Variants in URB1 observed in about 807,000 individuals in gnomAD.
The protein encoded by URB1 is URB1 ribosome biogenesis factor, also known as nucleolar pre-ribosomal-associated protein 1.
In URB1, 197 loss-of-function variants were observed where a neutral mutation model predicts 242.3. That is an observed-to-expected ratio of 0.81 (90% CI 0.72 to 0.91). URB1 has a LOEUF of 0.91. Ranked by LOEUF, URB1 falls within the 40% of genes least tolerant of loss-of-function variation. The pLI is 0.00. For missense variants in URB1, 2,721 were observed against 2,860.5 expected (o/e 0.95, Z 1.11); for synonymous variants, 1,153 against 1,201.8 (o/e 0.96, Z 0.84).
chr21:32,391,823 G>C (rs1488709435), intron 1 of URB1, among the ~76,000 whole-genome samples: 1 of 148,956 alleles, frequency 6.7e-6, no homozygotes, highest in Admixed American at 6.8e-5. Flanking sequence ...GGGCAGCCTG[G>C]ACAACATAGT....
chr21:32,390,388 T>C (rs2033624803), intron 1 of URB1, among the ~76,000 whole-genome samples: 1 of 152,186 alleles, frequency 6.6e-6, no homozygotes, highest in Admixed American at 6.5e-5. Flanking sequence ...ATGATGAGCA[T>C]TTTTTCATGT....
intron 4 of URB1, among the ~76,000 whole-genome samples, chr21:32,381,049 G>C (rs550845978): frequency 6.6e-6 from 1 of 152,292 alleles, no homozygotes; most frequent in South Asian, 2.1e-4. Flanking sequence ...GAGGAACTGG[G>C]TAAGATCCCC....
chr21:32,331,147 C>T (rs922391751), intron 30 of URB1, among the ~76,000 whole-genome samples: 15 of 152,162 alleles, frequency 9.9e-5, no homozygotes, highest in Non-Finnish European at 1.9e-4. Context: ...AGGGATCACG[C>T]GAACCAGCAC....
intron 36 of URB1, 109 bp downstream of exon 36, chr21:32,319,108 C>T: frequency 2.7e-6 from 3 of 1,131,694 alleles, no homozygotes; most frequent in Non-Finnish European, 3.7e-6. Context: ...GATCACGGCC[C>T]AGCGTCCCCC....
intron 6 of URB1, among the ~76,000 whole-genome samples, chr21:32,374,491 C>G (rs2033438418): frequency 6.6e-6 from 1 of 152,330 alleles, no homozygotes; most frequent in South Asian, 2.1e-4. Flanking sequence ...GAACTGTTAT[C>G]TTCCATAGGG....
chr21:32,392,919 G>C lies in URB1; in HGVS notation c.-9C>G, dbSNP rs1262234231. 1.3e-6 allele frequency: 2 copies of C among 1,504,376 alleles called. No homozygotes were observed. The highest frequency in any genetic ancestry group is 1.8e-6 in the Non-Finnish European group (2 of 1,129,142). The allele number at this position is 1,504,376 out of a possible 1,614,324, so 93.2% of individuals were successfully genotyped here. ...CTCTTGGGGACCCCCATGGCCGAGAGGGCGGAAGCGCGACGGAAACGACAC... is the reference window on the plus strand; with the variant it reads ...CTCTTGGGGACCCCCATGGCCGAGACGGCGGAAGCGCGACGGAAACGACAC... On this transcript the variant is annotated 5_prime_UTR_variant, in exon 1 of 39. Transcript: ENST00000382751.
intron 6 of URB1, among the ~76,000 whole-genome samples, chr21:32,374,269 T>C (rs923378310): frequency 1.3e-5 from 2 of 152,226 alleles, no homozygotes; most frequent in African/African-American, 2.4e-5. Context: ...TCATTGCATC[T>C]GACTTTGGAC....
chr21:32,350,743 C>T lies in URB1; in HGVS notation c.2793G>A (p.Val931=), dbSNP rs1308771588. 6.4e-7 allele frequency: 1 copy of T among 1,551,418 alleles called. No homozygotes were observed. Among genetic ancestry groups the T allele is most frequent in the African/African-American group, 1.4e-5 (1 of 73,066 alleles). Reference sequence around the variant, plus strand: ...CCACAGTGCTCCGCAGGTAGAGCAACACCTGCTTGGCCGCGAGCAGGACCT... The same window carrying T: ...CCACAGTGCTCCGCAGGTAGAGCAATACCTGCTTGGCCGCGAGCAGGACCT... ...MQQVLLAAKQ[V]LLYLRSTVEN... The change falls in exon 20 of 39, where the codon GTG becomes GTA. Residue 931 remains valine (V), a synonymous_variant. Transcript: ENST00000382751.
chr21:32,388,632 CAGG>C (rs2033608123), intron 1 of URB1, among the ~76,000 whole-genome samples: 1 of 152,208 alleles, frequency 6.6e-6, no homozygotes, highest in Middle Eastern at 3.2e-3. Context: ...CTGTGAGTTA[CAGG>C]AGCTCAGTCG....
intron 15 of URB1, among the ~76,000 whole-genome samples, chr21:32,357,225 C>A (rs2033231052): frequency 6.6e-6 from 1 of 151,502 alleles, no homozygotes; most frequent in Non-Finnish European, 1.5e-5. Context: ...AACGCCAGAG[C>A]CTGAGAAGGA....
At position 32,376,786 on chromosome 21, in the gene URB1, C is replaced by T. The variant is rs1393036094; in HGVS notation, c.665-1303G>A. On this transcript the variant is annotated intron_variant, in intron 5 of 38. Coordinates refer to ENST00000382751, the MANE Select transcript of URB1 (RefSeq NM_014825.3). ...CCAAGTAGCTGAGACAACAGGTACA[C>T]GCCAACACACCCAGCTAACTTTTGT... 5.3e-5 allele frequency among the ~76,000 whole-genome samples: 8 copies of T among 151,248 alleles called. No homozygotes were observed. The East Asian group carries it at 1.2e-3, about 22-fold the overall frequency.
intron 28 of URB1, 120 bp downstream of exon 28, chr21:32,336,974 C>T: frequency 6.0e-6 from 6 of 998,934 alleles, no homozygotes; most frequent in Non-Finnish European, 7.6e-6. Context: ...GGAGTGCTGC[C>T]TGCCTCACTC....
chr21:32,312,114 A>G lies in URB1; in HGVS notation c.*2804T>C. On this transcript the variant is annotated 3_prime_UTR_variant, in exon 39 of 39. Coordinates refer to ENST00000382751, the MANE Select transcript of URB1 (RefSeq NM_014825.3). The stretch of plus-strand genomic sequence containing the variant: ...TGTAGCAGAAAGGGCACCTAGGTCA[A>G]GTGCAACTAGAGCAGGAGCATCCTA... 1.3e-6 allele frequency: 2 copies of G among 1,564,392 alleles called. No individual in the cohort carries two copies. The highest frequency in any genetic ancestry group is 2.3e-5 in the East Asian group (1 of 43,342).
At chr21:32,352,319 T>G (rs115956779) in intron 19 of URB1, among the ~76,000 whole-genome samples, 1 of 152,174 alleles carries the variant, frequency 6.6e-6, no homozygotes, top group African/African-American at 2.4e-5. Context: ...TGAGGGGCCA[T>G]GTGTGACAGC....
intron 30 of URB1, among the ~76,000 whole-genome samples, chr21:32,327,350 A>G (rs1422291885): frequency 6.6e-6 from 1 of 152,162 alleles, no homozygotes; most frequent in African/African-American, 2.4e-5. Context: ...AAGAAAAAAA[A>G]CTGTCAACCT....
At chr21:32,375,664 G>C (rs1414150010) in intron 5 of URB1, among the ~76,000 whole-genome samples, 181 bp from the exon 6 acceptor site, 1 of 151,708 alleles carries the variant, frequency 6.6e-6, no homozygotes, top group African/African-American at 2.4e-5. Context: ...AAATCAAGAA[G>C]CCAGGCAGAG....
At chr21:32,362,056 G>C (rs1207968832) in intron 11 of URB1, 35 bp from the exon 12 acceptor site, 6 of 1,547,916 alleles carry the variant, frequency 3.9e-6, no homozygotes, top group African/African-American at 2.7e-5. Context: ...ATTAGTTGTA[G>C]TCAACCACAA....
At chr21:32,391,602 C>G (rs1601163613) in intron 1 of URB1, among the ~76,000 whole-genome samples, 1 of 152,252 alleles carries the variant, frequency 6.6e-6, no homozygotes, top group African/African-American at 2.4e-5. Context: ...CACTTTATCT[C>G]TACCGTAGCA....
chr21:32,388,050 T>C (rs1469224393), intron 1 of URB1, among the ~76,000 whole-genome samples: 1 of 152,210 alleles, frequency 6.6e-6, no homozygotes, highest in Non-Finnish European at 1.5e-5. Context: ...CAATTCTGCG[T>C]GTCTCAGATT....
Sources: gnomAD v4.1 joint callset for allele counts (sites outside exome capture counted in the v4.1 genomes callset) on GRCh38, gnomAD v4.1.1 for gene constraint, MANE v1.5 for transcripts, NCBI Gene and HGNC (gene_info 2026-07-23, HGNC 2026-07-21) for gene names.